Variants in GAS2 observed in about 807,000 individuals in gnomAD.
GAS2 encodes the protein growth arrest-specific protein 2.
A neutral mutation model predicts 37.5 loss-of-function variants in GAS2; 20 were observed. The observed-to-expected ratio is 0.53, with a 90% CI of 0.37 to 0.77. The LOEUF (loss-of-function observed/expected upper bound fraction) is 0.77. Among genes scored for constraint, GAS2 ranks in the 30% least tolerant of loss-of-function variants. The pLI is 0.00. For synonymous variants in GAS2, 144 were observed against 132.2 expected, an observed-to-expected ratio of 1.09 and a Z score of -0.61; for missense variants, 336 against 373.4, an observed-to-expected ratio of 0.90 and a Z score of 0.82.
chr11:22,789,452 A>ATTTT (rs1242735681), intron 7 of GAS2, among the ~76,000 whole-genome samples: 1 of 74,236 alleles, frequency 1.3e-5, no homozygotes, highest in African/African-American at 5.2e-5. Flanking sequence ...ATATATATAT[A>ATTTT]TATTCTTTTT....
chr11:22,725,565 A>T (rs1451882797), intron 3 of GAS2, among the ~76,000 whole-genome samples: 1 of 152,026 alleles, frequency 6.6e-6, no homozygotes, highest in Non-Finnish European at 1.5e-5. Context: ...AGTAGCTGGG[A>T]CCATAGATGT....
chr11:22,769,507 A>G (rs933850503), intron 7 of GAS2, among the ~76,000 whole-genome samples: 1 of 152,256 alleles, frequency 6.6e-6, no homozygotes, highest in African/African-American at 2.4e-5. Flanking sequence ...GATAACATGT[A>G]TACATATATC....
intron 7 of GAS2, among the ~76,000 whole-genome samples, chr11:22,774,423 T>C (rs1387990083): frequency 2.0e-5 from 3 of 152,252 alleles, no homozygotes; most frequent in Admixed American, 6.5e-5. Context: ...TCTTCAAACA[T>C]GATCTCTTTC....
intron 1 of GAS2, among the ~76,000 whole-genome samples, chr11:22,671,779 G>T (rs891880077): frequency 6.6e-6 from 1 of 152,020 alleles, no homozygotes; most frequent in African/African-American, 2.4e-5. Context: ...AAATTAATTT[G>T]ATCTTTCTTC....
chr11:22,645,900 A>G (rs1427041927), intron 1 of GAS2, among the ~76,000 whole-genome samples: 3 of 145,874 alleles, frequency 2.1e-5, no homozygotes, highest in African/African-American at 5.1e-5. Flanking sequence ...CTGGAGTGCA[A>G]TGGCATGATC....
At chr11:22,684,877 A>G (rs1849864489) in intron 2 of GAS2, among the ~76,000 whole-genome samples, 1 of 152,192 alleles carries the variant, frequency 6.6e-6, no homozygotes, top group South Asian at 2.1e-4. Flanking sequence ...GCCTACCTGT[A>G]TTATTTTAAT....
chr11:22,663,225 C>G (rs2133847584), upstream of GAS2, among the ~76,000 whole-genome samples: 1 of 152,182 alleles, frequency 6.6e-6, no homozygotes, highest in Non-Finnish European at 1.5e-5. Context: ...CACCAGGTCC[C>G]TCTCTCAACA....
At chr11:22,748,642 C>T (rs1853546408) in intron 5 of GAS2, among the ~76,000 whole-genome samples, 1 of 151,958 alleles carries the variant, frequency 6.6e-6, no homozygotes, top group Admixed American at 6.6e-5. Context: ...GAAATATATT[C>T]AAAGTTAATT....
At chr11:22,652,227 T>C (rs1015406450) in intron 1 of GAS2, among the ~76,000 whole-genome samples, 28 of 152,214 alleles carry the variant, frequency 1.8e-4, no homozygotes, top group African/African-American at 6.8e-4. Flanking sequence ...CCATTTAGGC[T>C]GCTCGGGGGT....
chr11:22,687,462 T>C (rs1324295736), intron 3 of GAS2, among the ~76,000 whole-genome samples: 3 of 152,182 alleles, frequency 2.0e-5, no homozygotes, highest in Admixed American at 2.0e-4. Context: ...GCAGCAAAGT[T>C]TGGTAACCAT....
intron 7 of GAS2, among the ~76,000 whole-genome samples, chr11:22,807,383 A>C (rs1225672282): frequency 6.6e-6 from 1 of 152,222 alleles, no homozygotes; most frequent in Non-Finnish European, 1.5e-5. Context: ...GCAGTGTCTC[A>C]CGTAAGATGT....
At chr11:22,656,835 C>T (rs1161335008) in intron 1 of GAS2, among the ~76,000 whole-genome samples, 1 of 152,130 alleles carries the variant, frequency 6.6e-6, no homozygotes, top group Non-Finnish European at 1.5e-5. Flanking sequence ...CACTTACATG[C>T]TTTCATACTC....
chr11:22,661,715 G>C (rs1217899858), upstream of GAS2, among the ~76,000 whole-genome samples: 3 of 152,166 alleles, frequency 2.0e-5, no homozygotes, highest in Admixed American at 1.3e-4. Flanking sequence ...TGTTTGGGAT[G>C]TTGTGACATT....
intron 3 of GAS2, among the ~76,000 whole-genome samples, chr11:22,693,042 G>A (rs1396959867): frequency 6.6e-6 from 1 of 152,062 alleles, no homozygotes; most frequent in African/African-American, 2.4e-5. Context: ...CAGAATGTGT[G>A]TATTTTATGA....
intron 3 of GAS2, among the ~76,000 whole-genome samples, chr11:22,687,811 G>C (rs977282896): frequency 2.0e-5 from 3 of 152,176 alleles, no homozygotes; most frequent in African/African-American, 7.2e-5. Flanking sequence ...AATGAACAGA[G>C]GGAAATAAGC....
At chr11:22,799,409 G>A (rs910921974) in intron 7 of GAS2, among the ~76,000 whole-genome samples, 1 of 152,042 alleles carries the variant, frequency 6.6e-6, no homozygotes, top group Non-Finnish European at 1.5e-5. Context: ...TGAAGATCAT[G>A]AAGAGAATAA....
intron 5 of GAS2, among the ~76,000 whole-genome samples, chr11:22,748,524 C>T (rs1853539398): frequency 1.3e-5 from 2 of 152,164 alleles, no homozygotes; most frequent in East Asian, 1.9e-4. Flanking sequence ...TCTGTTTCCT[C>T]TATGCTCAGT....
At chr11:22,662,294 C>T (rs569426099), upstream of GAS2, among the ~76,000 whole-genome samples, 18 of 152,304 alleles carry the variant, frequency 1.2e-4, no homozygotes, top group African/African-American at 4.3e-4. Context: ...TGAAATGCTG[C>T]TAGCTTGGGA....
rs774687880 is a variant in GAS2, at chr11:22,674,892, A to G, written c.23A>G (p.Lys8Arg). 7.4e-6 allele frequency: 12 copies of G among 1,611,842 alleles called. No individual in the cohort carries two copies. In the East Asian group the frequency reaches 2.7e-4, roughly 36 times the overall value. The change falls in exon 2 of 8, where the codon AAG becomes AGG. Residue 8 changes from lysine (K) to arginine (R), a missense_variant. Physicochemically the swap from Lys to Arg is conservative, Grantham distance 26. Coordinates refer to ENST00000454584, the MANE Select transcript of GAS2 (RefSeq NM_001143830.3). Reference protein sequence around the residue: MCTALSPKVRSGPGLSDM... With the variant: MCTALSPRVRSGPGLSDM... ...ATAATGTGCACTGCTCTGAGCCCAAAGGTACGCAGTGGACCTGGCCTCTCT... is the reference window on the plus strand; with the variant it reads ...ATAATGTGCACTGCTCTGAGCCCAAGGGTACGCAGTGGACCTGGCCTCTCT...
Sources: gnomAD v4.1 joint callset for allele counts (sites outside exome capture counted in the v4.1 genomes callset) on GRCh38, gnomAD v4.1.1 for gene constraint, MANE v1.5 for transcripts, NCBI Gene and HGNC (gene_info 2026-07-23, HGNC 2026-07-21) for gene names.